Variants in FRAS1 observed in about 807,000 individuals in gnomAD.
FRAS1 encodes the protein extracellular matrix organizing protein FRAS1.
A neutral mutation model predicts 435.2 loss-of-function variants in FRAS1; 290 were observed. The ratio of observed to expected loss-of-function variants is 0.67; its 90% confidence interval spans 0.61 to 0.73. The LOEUF (loss-of-function observed/expected upper bound fraction) is 0.73. FRAS1 is among the 30% of genes least tolerant of loss of function. The pLI, the probability that FRAS1 is intolerant of heterozygous loss-of-function variation, is 0.00. For missense variants in FRAS1, 4,860 were observed against 5,001.5 expected (o/e 0.97, Z 0.85); for synonymous variants, 1,800 against 1,851.0 (o/e 0.97, Z 0.71).
intron 3 of FRAS1, among the ~76,000 whole-genome samples, chr4:78,240,780 GA>G (rs1164502787): frequency 6.6e-6 from 1 of 152,128 alleles, no homozygotes; most frequent in African/African-American, 2.4e-5. Context: ...GGAATTTGGG[GA>G]GCACAGTCAT....
At position 78,354,023 on chromosome 4, in the gene FRAS1, TAA is replaced by T. The variant is rs767987937; in HGVS notation, c.2423-9470_2423-9469del. Reference sequence around the variant, plus strand: ...CAAAAAAATTAAAAAAAAAATAAAATAAAAAAAAAAAAAAAAAAAAAGCTTCA... The same window carrying T: ...CAAAAAAATTAAAAAAAAAATAAAATAAAAAAAAAAAAAAAAAAAGCTTCA... On this transcript the variant is annotated intron_variant, in intron 20 of 73. Coordinates refer to ENST00000512123, the MANE Select transcript of FRAS1 (RefSeq NM_025074.7). 2.4e-3 allele frequency among the ~76,000 whole-genome samples: 250 copies of T among 106,056 alleles called. 56 individuals are homozygous for T. The highest frequency in any genetic ancestry group is 4.5e-3 in the Non-Finnish European group (207 of 46,426). 69.6% of individuals were successfully genotyped at this position (106,056 alleles called of 152,430 possible). A position where few individuals can be genotyped will look rare whatever the true frequency, so the allele number is the denominator to read the frequency against.
chr4:78,127,179 G>C (rs539995565), intron 2 of FRAS1, among the ~76,000 whole-genome samples: 1 of 151,978 alleles, frequency 6.6e-6, no homozygotes, highest in Non-Finnish European at 1.5e-5. Context: ...GGGTGAGCTG[G>C]GGAGAGAAAG....
At chr4:78,195,473 G>T (rs191061364) in intron 2 of FRAS1, among the ~76,000 whole-genome samples, 178 of 152,352 alleles carry the variant, frequency 1.2e-3, no homozygotes, top group African/African-American at 4.0e-3. Context: ...GGGCAATGGC[G>T]GGCGCCCCTC....
chr4:78,123,461 C>G (rs894305152), intron 2 of FRAS1, among the ~76,000 whole-genome samples: 3 of 152,146 alleles, frequency 2.0e-5, no homozygotes, highest in African/African-American at 7.2e-5. Flanking sequence ...GCTATGCAGG[C>G]TCTTTTTTGG....
intron 9 of FRAS1, among the ~76,000 whole-genome samples, chr4:78,272,387 A>G (rs953089717): frequency 3.9e-5 from 6 of 152,182 alleles, no homozygotes; most frequent in African/African-American, 1.4e-4. Context: ...GTCCTTGCCC[A>G]TGCCTATGTC....
chr4:78,496,333 C>G (rs887163238), intron 59 of FRAS1, among the ~76,000 whole-genome samples: 2 of 152,164 alleles, frequency 1.3e-5, no homozygotes, highest in African/African-American at 4.8e-5. Flanking sequence ...TAGCCTAACG[C>G]AAAGCCTTTC....
intron 6 of FRAS1, among the ~76,000 whole-genome samples, chr4:78,263,699 G>A (rs1378760625): frequency 6.6e-6 from 1 of 152,134 alleles, no homozygotes; most frequent in Non-Finnish European, 1.5e-5. Flanking sequence ...TGATTTCAGT[G>A]CAAGTTCAAT....
Position 78,317,526 on chromosome 4 carries a change from A to G in FRAS1, c.1960+18A>G, listed in dbSNP as rs377331287. The G allele has an allele frequency of 2.5e-4, 394 of 1,603,694 alleles. No homozygotes were observed. The highest frequency in any genetic ancestry group is 3.2e-4 in the Non-Finnish European group (382 of 1,175,876). ...CTGCAAAGGTATCGTTGGTGTCACC[A>G]TCATTCTTGAGAGGCTATCCCACAA... On this transcript the variant is annotated intron_variant, in intron 17 of 73. Transcript: ENST00000512123.
intron 20 of FRAS1, among the ~76,000 whole-genome samples, chr4:78,342,553 AT>A (rs1309018916): frequency 3.3e-4 from 50 of 151,006 alleles, no homozygotes; most frequent in Non-Finnish European, 3.7e-4. Flanking sequence ...ATTAGAAAAA[AT>A]TTTTTTTTTG....
chr4:78,105,656 G>A (rs1742374600), intron 2 of FRAS1, among the ~76,000 whole-genome samples: 1 of 152,122 alleles, frequency 6.6e-6, no homozygotes, highest in Admixed American at 6.5e-5. Context: ...CAGGGGAAAT[G>A]TACAACTGTT....
intron 15 of FRAS1, among the ~76,000 whole-genome samples, chr4:78,311,102 G>A (rs1729000767): frequency 1.8e-5 from 2 of 109,022 alleles, no homozygotes; most frequent in African/African-American, 5.4e-5. Context: ...TCGGGCTGCA[G>A]CTAACATAAT....
chr4:78,341,346 C>A, intron 20 of FRAS1, among the ~76,000 whole-genome samples: 1 of 152,108 alleles, frequency 6.6e-6, no homozygotes, highest in Non-Finnish European at 1.5e-5. Context: ...TTGGTACACC[C>A]GTGGGGATGC....
intron 47 of FRAS1, among the ~76,000 whole-genome samples, chr4:78,462,145 G>A (rs1052184020): frequency 6.6e-5 from 10 of 152,156 alleles, no homozygotes; most frequent in African/African-American, 1.7e-4. Flanking sequence ...CGAGGCAGGC[G>A]GATCACCTGA....
intron 5 of FRAS1, among the ~76,000 whole-genome samples, chr4:78,254,565 G>A (rs1344876233): frequency 6.6e-6 from 1 of 152,136 alleles, no homozygotes; most frequent in African/African-American, 2.4e-5. Flanking sequence ...GTGGTGTGGG[G>A]AGTAGGTTGT....
intron 2 of FRAS1, among the ~76,000 whole-genome samples, chr4:78,139,160 T>A (rs1420635018): frequency 1.3e-5 from 2 of 152,110 alleles, no homozygotes; most frequent in African/African-American, 4.8e-5. Context: ...AGTCAGGCAG[T>A]CACTAATGGT....
intron 2 of FRAS1, among the ~76,000 whole-genome samples, chr4:78,174,829 T>G (rs139612404): frequency 6.6e-6 from 1 of 152,246 alleles, no homozygotes; most frequent in African/African-American, 2.4e-5. Context: ...TGGGAATACC[T>G]GTGTAGGAAT....
intron 2 of FRAS1, among the ~76,000 whole-genome samples, chr4:78,229,113 A>G (rs1450293706): frequency 6.6e-6 from 1 of 152,220 alleles, no homozygotes; most frequent in Admixed American, 6.5e-5. Context: ...CTTTGAAATC[A>G]GATGGACACT....
intron 37 of FRAS1, among the ~76,000 whole-genome samples, chr4:78,431,413 G>A (rs1252027650): frequency 6.6e-6 from 1 of 152,200 alleles, no homozygotes; most frequent in African/African-American, 2.4e-5. Context: ...TAAAAAGTTA[G>A]TTTTATTACG....
At chr4:78,295,158 T>C (rs79126981) in intron 14 of FRAS1, among the ~76,000 whole-genome samples, 1,596 of 152,348 alleles carry the variant, frequency 0.01, 12 homozygotes, top group Middle Eastern at 0.017. Flanking sequence ...CAATCCTCTA[T>C]GGTTTGATAT....
Sources: gnomAD v4.1 joint callset for allele counts (sites outside exome capture counted in the v4.1 genomes callset) on GRCh38, gnomAD v4.1.1 for gene constraint, MANE v1.5 for transcripts, NCBI Gene and HGNC (gene_info 2026-07-23, HGNC 2026-07-21) for gene names.